The following CLASP1 variants were observed in gnomAD, a reference collection of about 807,000 sequenced individuals.
CLASP1 encodes CLIP-associating protein 1.
In CLASP1, 38 loss-of-function variants were observed where a neutral mutation model predicts 192.3. The ratio of observed to expected loss-of-function variants is 0.20; its 90% CI spans 0.15 to 0.26. The LOEUF is 0.26. Ranked by LOEUF, CLASP1 falls within the 10% of genes least tolerant of loss-of-function variation. The pLI is 1.00. For missense variants in CLASP1, 1,433 were observed against 1,932.5 expected (o/e 0.74, Z 4.85); for synonymous variants, 691 against 712.8 (o/e 0.97, Z 0.49).
chr2:121,547,283 T>C (rs552883088), intron 2 of CLASP1, among the ~76,000 whole-genome samples: 1 of 152,204 alleles, frequency 6.6e-6, no homozygotes, highest in South Asian at 2.1e-4. Flanking sequence ...GCCGCTGCGG[T>C]GGAACTGCCC....
chr2:121,518,252 A>C (rs78891147), intron 6 of CLASP1, among the ~76,000 whole-genome samples: 1 of 149,394 alleles, frequency 6.7e-6, no homozygotes, highest in African/African-American at 2.5e-5. Flanking sequence ...AAAAAAAAAA[A>C]AAAAGGAGGC....
intron 2 of CLASP1, among the ~76,000 whole-genome samples, chr2:121,581,157 C>G (rs1378748864): frequency 6.6e-6 from 1 of 151,764 alleles, no homozygotes; most frequent in Non-Finnish European, 1.5e-5. Context: ...TATTCACAGG[C>G]AGACCAGCAT....
At position 121,461,852 on chromosome 2, in the gene CLASP1, T is replaced by C. The variant is rs567423247; in HGVS notation, c.940-659A>G. On this transcript the variant is annotated intron_variant, in intron 10 of 39. Coordinates refer to ENST00000263710, the Ensembl canonical transcript of CLASP1. ...CAAGCCACCATGGATGATTTTTGTA[T>C]CTTTTATAGAGATGAGGTTTCGCCA... Among the ~76,000 whole-genome samples, 317 of 152,250 alleles carry C rather than the reference T, an allele frequency of 2.1e-3. 1 individual carries two copies. Among genetic ancestry groups the C allele is most frequent in the African/African-American group, 6.1e-3 (254 of 41,546 alleles).
Position 121,449,123 on chromosome 2 carries a change from A to G in CLASP1, c.1524-3T>C. ...GACTGTGGAAACCCCAGTAACATCTAGAGGAAACACACAAAATCCTGGTCT... is the reference window on the plus strand; with the variant it reads ...GACTGTGGAAACCCCAGTAACATCTGGAGGAAACACACAAAATCCTGGTCT... On this transcript the variant is annotated splice_polypyrimidine_tract_variant and splice_region_variant and intron_variant, in intron 16 of 39. Transcript: ENST00000263710. The G allele has an allele frequency of 1.2e-6, 2 of 1,613,492 alleles. No individual in the cohort carries two copies. The highest frequency in any genetic ancestry group is 1.7e-6 in the Non-Finnish European group (2 of 1,179,556).
intron 1 of CLASP1, among the ~76,000 whole-genome samples, chr2:121,610,456 C>T (rs1194702021): frequency 9.8e-6 from 1 of 101,680 alleles, no homozygotes; most frequent in South Asian, 3.2e-4. Context: ...GGAAGAGGAA[C>T]TAGAGGAGGA....
chr2:121,468,548 G>A (rs2090080222), intron 9 of CLASP1, among the ~76,000 whole-genome samples: 1 of 152,100 alleles, frequency 6.6e-6, no homozygotes, highest in African/African-American at 2.4e-5. Flanking sequence ...TTGTGAATGG[G>A]AATTCATTCA....
chr2:121,372,071 C>T (rs2068860945), intron 34 of CLASP1, among the ~76,000 whole-genome samples: 1 of 152,182 alleles, frequency 6.6e-6, no homozygotes, highest in Non-Finnish European at 1.5e-5. Flanking sequence ...CCAGTGAGCC[C>T]ATTCTCGAAG....
At chr2:121,424,110 C>A (rs1304009402) in intron 22 of CLASP1, among the ~76,000 whole-genome samples, 1 of 152,206 alleles carries the variant, frequency 6.6e-6, no homozygotes, top group African/African-American at 2.4e-5. Context: ...CTACTCTGGG[C>A]AGCCTCCCCT....
chr2:121,578,447 G>T (rs1044410839), intron 2 of CLASP1, among the ~76,000 whole-genome samples: 30 of 133,948 alleles, frequency 2.2e-4, no homozygotes, highest in African/African-American at 7.8e-4. Context: ...AAAAAAAAAA[G>T]GGCCAGGTGC....
chr2:121,644,051 T>C (rs1003816486), intron 1 of CLASP1, among the ~76,000 whole-genome samples: 1 of 152,162 alleles, frequency 6.6e-6, no homozygotes, highest in Non-Finnish European at 1.5e-5. Flanking sequence ...ACTTAACACA[T>C]ACCAGTCACT....
chr2:121,455,462 T>C (rs1346314540), intron 14 of CLASP1, among the ~76,000 whole-genome samples: 1 of 152,224 alleles, frequency 6.6e-6, no homozygotes, highest in Non-Finnish European at 1.5e-5. Context: ...ACAGAATCTA[T>C]TCAGCCTTAA....
chr2:121,498,048 C>T (rs892190171), intron 8 of CLASP1, among the ~76,000 whole-genome samples: 4 of 152,036 alleles, frequency 2.6e-5, no homozygotes, highest in South Asian at 2.1e-4. Context: ...TTAGCAGAGA[C>T]GGGGTTTCAC....
intron 16 of CLASP1, among the ~76,000 whole-genome samples, chr2:121,449,737 A>T (rs537586047): frequency 6.6e-6 from 1 of 152,332 alleles, no homozygotes; most frequent in South Asian, 2.1e-4. Context: ...CAAAGAAAAA[A>T]TTGGCACAAA....
intron 19 of CLASP1, chr2:121,445,461 C>T (rs926496629): frequency 3.9e-6 from 5 of 1,289,502 alleles, no homozygotes; most frequent in Non-Finnish European, 5.1e-6. Flanking sequence ...GAGTCCAGGC[C>T]TATGTACTCC....
intron 37 of CLASP1, among the ~76,000 whole-genome samples, chr2:121,349,060 G>A (rs1047556897): frequency 6.6e-6 from 1 of 152,058 alleles, no homozygotes; most frequent in Non-Finnish European, 1.5e-5. Context: ...CTATCACGGT[G>A]AGAACCCATC....
intron 2 of CLASP1, among the ~76,000 whole-genome samples, chr2:121,583,186 AT>A (rs2061395477): frequency 6.6e-6 from 1 of 152,196 alleles, no homozygotes; most frequent in African/African-American, 2.4e-5. Flanking sequence ...TTTTTCTTTT[AT>A]TCCCTCCATT....
chr2:121,443,142 C>T (rs2083641320), intron 19 of CLASP1, among the ~76,000 whole-genome samples: 1 of 152,152 alleles, frequency 6.6e-6, no homozygotes, highest in African/African-American at 2.4e-5. Context: ...GCTTCTTCAG[C>T]AACGGTCTCT....
chr2:121,409,864 T>C (rs1166776875), intron 24 of CLASP1, among the ~76,000 whole-genome samples: 2 of 152,144 alleles, frequency 1.3e-5, no homozygotes, highest in Non-Finnish European at 2.9e-5. Context: ...GGTTGAGGAA[T>C]ACAGGTGGCC....
chr2:121,555,055 T>C (rs957297871), intron 2 of CLASP1, among the ~76,000 whole-genome samples: 8 of 152,188 alleles, frequency 5.3e-5, no homozygotes, highest in African/African-American at 1.9e-4. Context: ...GGTCAGGAAC[T>C]GAGAGTTGTG....
Sources: gnomAD v4.1 joint callset for allele counts (sites outside exome capture counted in the v4.1 genomes callset) on GRCh38, gnomAD v4.1.1 for gene constraint, MANE v1.5 for transcripts, NCBI Gene and HGNC (gene_info 2026-07-23, HGNC 2026-07-21) for gene names.